LRRC18: variants seen among roughly 807,000 people sequenced by gnomAD.
LRRC18 encodes leucine-rich repeat-containing protein 18.
Under a neutral mutation model 11.2 loss-of-function variants are expected in LRRC18, and 12 were observed. The observed-to-expected ratio is 1.07, with a 90% CI of 0.69 to 1.74. LRRC18 has a LOEUF of 1.74. Ranked by LOEUF, LRRC18 falls within the 40% of genes most tolerant of loss-of-function variation. LRRC18 has a pLI of 0.00. For synonymous variants in LRRC18, 155 were observed against 130.6 expected, an observed-to-expected ratio of 1.19 and a Z score of -1.27; for missense variants, 374 against 330.5, an observed-to-expected ratio of 1.13 and a Z score of -1.02.
the LRRC18 span, among the ~76,000 whole-genome samples, chr10:48,935,376 C>A: frequency 6.6e-6 from 1 of 152,212 alleles, no homozygotes; most frequent in African/African-American, 2.4e-5. Flanking sequence ...CAGGGCTCAC[C>A]CCCTGTGATT....
At chr10:48,930,112 G>C in the LRRC18 span, among the ~76,000 whole-genome samples, 1 of 152,066 alleles carries the variant, frequency 6.6e-6, no homozygotes, top group Admixed American at 6.6e-5. Flanking sequence ...GTCAATACTA[G>C]TTTAATAGAT....
chr10:48,912,536 G>A (rs1165161558), intron 1 of LRRC18, among the ~76,000 whole-genome samples: 1 of 152,204 alleles, frequency 6.6e-6, no homozygotes, highest in African/African-American at 2.4e-5. Context: ...GTGGTGCTCT[G>A]CCCCATCTCA....
exon 1 of LRRC18, chr10:48,913,698 T>G: frequency 1.2e-6 from 2 of 1,612,916 alleles, no homozygotes; most frequent in Non-Finnish European, 1.7e-6. Flanking sequence ...CAGTAGGTTG[T>G]CATGGAGCCC....
the LRRC18 span, chr10:48,935,264 C>A: frequency 2.0e-5 from 3 of 152,262 alleles, no homozygotes; most frequent in Non-Finnish European, 2.9e-5. Context: ...TTAGCACAGT[C>A]TTGACACCAG....
At chr10:48,932,075 A>G in the LRRC18 span, among the ~76,000 whole-genome samples, 1 of 152,246 alleles carries the variant, frequency 6.6e-6, no homozygotes. Flanking sequence ...GTTTAGTCTC[A>G]TAACACGCCT....
At chr10:48,928,276 G>GTAAAGAGGA in the LRRC18 span, among the ~76,000 whole-genome samples, 1 of 151,928 alleles carries the variant, frequency 6.6e-6, no homozygotes, top group African/African-American at 2.4e-5. Context: ...CTGAACTCCT[G>GTAAAGAGGA]TAAAGAGGAT....
At chr10:48,914,093 G>A in exon 1 of LRRC18, 1 of 1,614,212 alleles carries the variant, frequency 6.2e-7, no homozygotes, top group Non-Finnish European at 8.5e-7. Flanking sequence ...TGATTTTGAT[G>A]CAATTCCTGG....
At chr10:48,916,275 G>A (rs1838522545), upstream of LRRC18, among the ~76,000 whole-genome samples, 2 of 152,226 alleles carry the variant, frequency 1.3e-5, no homozygotes, top group African/African-American at 4.8e-5. Flanking sequence ...AAAGATTTCT[G>A]ATTTCCAACA....
chr10:48,935,905 T>TC, the LRRC18 span, among the ~76,000 whole-genome samples: 1 of 150,814 alleles, frequency 6.6e-6, no homozygotes, highest in Non-Finnish European at 1.5e-5. Flanking sequence ...TCTATGGTCT[T>TC]TTTTTTTTCA....
At chr10:48,914,207 T>A in exon 1 of LRRC18, 1 of 1,554,696 alleles carries the variant, frequency 6.4e-7, no homozygotes, top group Non-Finnish European at 8.7e-7. Context: ...TGGATAGTGA[T>A]CAGTGTGAGG....
chr10:48,919,861 C>T, the LRRC18 span, among the ~76,000 whole-genome samples: 1 of 132,624 alleles, frequency 7.5e-6, no homozygotes, highest in Admixed American at 7.1e-5. Flanking sequence ...TTGATATGAT[C>T]TCTTTCAAAA....
At chr10:48,910,282 T>G (rs1038622351) in intron 1 of LRRC18, 24 bp from the exon 4 acceptor site, 1 of 1,612,130 alleles carries the variant, frequency 6.2e-7, no homozygotes, top group Admixed American at 1.7e-5. Context: ...CACAAGAAGG[T>G]GAGGCAATTG....
At chr10:48,910,120 G>C in exon 2 of LRRC18, 1 of 986,136 alleles carries the variant, frequency 1.0e-6, no homozygotes, top group Non-Finnish European at 1.6e-6. Flanking sequence ...GCTCCGGCGA[G>C]CCTGGTTTCC....
intron 1 of LRRC18, among the ~76,000 whole-genome samples, chr10:48,911,894 A>G (rs1838039002): frequency 2.0e-5 from 3 of 152,230 alleles, no homozygotes; most frequent in Non-Finnish European, 4.4e-5. Context: ...TAAGCATTAC[A>G]AGAGGAAGTA....
chr10:48,916,057 G>A (rs1838500987), upstream of LRRC18, among the ~76,000 whole-genome samples: 1 of 152,212 alleles, frequency 6.6e-6, no homozygotes, highest in Non-Finnish European at 1.5e-5. Flanking sequence ...CTGAAAGCAA[G>A]TAAAGCCTTG....
At chr10:48,921,036 G>A in the LRRC18 span, among the ~76,000 whole-genome samples, 4 of 152,238 alleles carry the variant, frequency 2.6e-5, no homozygotes, top group African/African-American at 7.2e-5. Flanking sequence ...TACCATGTTC[G>A]TGAATTGGAT....
At chr10:48,914,832 C>T (rs550157047), upstream of LRRC18, among the ~76,000 whole-genome samples, 1 of 152,292 alleles carries the variant, frequency 6.6e-6, no homozygotes, top group South Asian at 2.1e-4. Context: ...CATTGCTGGG[C>T]CCAGCAGCAC....
chr10:48,930,597 C>T, the LRRC18 span, among the ~76,000 whole-genome samples: 1 of 152,098 alleles, frequency 6.6e-6, no homozygotes, highest in African/African-American at 2.4e-5. Flanking sequence ...CTATGGAGAA[C>T]ACATGGAGGC....
chr10:48,918,638 C>T (rs988154090), upstream of LRRC18, among the ~76,000 whole-genome samples: 2 of 152,198 alleles, frequency 1.3e-5, no homozygotes, highest in Non-Finnish European at 2.9e-5. Context: ...GACATCAATA[C>T]TTGTCTCTCA....
Sources: gnomAD v4.1 joint callset for allele counts (sites outside exome capture counted in the v4.1 genomes callset) on GRCh38, gnomAD v4.1.1 for gene constraint, MANE v1.5 for transcripts, NCBI Gene and HGNC (gene_info 2026-07-23, HGNC 2026-07-21) for gene names.